Variants in EFCAB6 observed in about 807,000 individuals in gnomAD.
The protein encoded by EFCAB6 is EF-hand calcium-binding domain-containing protein 6.
Under a neutral mutation model 169.8 loss-of-function variants are expected in EFCAB6, and 156 were observed. That is an observed-to-expected ratio of 0.92 (90% CI 0.81 to 1.05). The LOEUF is 1.05. EFCAB6 is among the 50% of genes least tolerant of loss of function. The pLI, the probability that EFCAB6 is intolerant of heterozygous loss-of-function variation, is 0.00. For synonymous variants in EFCAB6, 698 were observed against 676.4 expected (o/e 1.03, Z -0.50); for missense variants, 1,800 against 1,829.1 (o/e 0.98, Z 0.29).
chr22:43,716,835 G>A lies in EFCAB6; in HGVS notation c.882+13C>T, dbSNP rs1319380568. On this transcript the variant is annotated intron_variant, in intron 9 of 31. Transcript: ENST00000262726. ...TACTCTGTAGGTAATTGTGGCTTAG[G>A]AAAACATCTTACTTGTAGACAAAAG... 6.3e-7 allele frequency: 1 copy of A among 1,595,606 alleles called. No individual in the cohort carries two copies. The highest frequency in any genetic ancestry group is 1.8e-5 in the Admixed American group (1 of 56,736).
Position 43,784,562 on chromosome 22 carries a change from TATATATGTGTACATATACAC to T in EFCAB6, c.-7-2257_-7-2238del, listed in dbSNP as rs1203881282. ...GTGTGTGTATATGTATATATACACA[TATATATGTGTACATATACAC>T]ATATATATGTATATATACACATATA... On this transcript the variant is annotated intron_variant, in intron 2 of 31. Transcript: ENST00000262726. 1.1e-3 allele frequency among the ~76,000 whole-genome samples: 81 copies of T among 77,094 alleles called. 2 individuals carry two copies. Among genetic ancestry groups the T allele is most frequent in the African/African-American group, 3.6e-3 (62 of 17,004 alleles). 50.6% of individuals were successfully genotyped at this position (77,094 alleles called of 152,430 possible).
At chr22:43,667,968 G>A (rs1008565125) in intron 16 of EFCAB6, among the ~76,000 whole-genome samples, 3 of 152,094 alleles carry the variant, frequency 2.0e-5, no homozygotes, top group African/African-American at 4.8e-5. Flanking sequence ...TCCCCGCTGC[G>A]TCTCCTGATT....
At chr22:43,679,287 G>A (rs759379363) in intron 12 of EFCAB6, among the ~76,000 whole-genome samples, 5 of 152,110 alleles carry the variant, frequency 3.3e-5, no homozygotes, top group African/African-American at 4.8e-5. Context: ...TCCTAACATA[G>A]TGTTTTTGAG....
At chr22:43,762,765 A>G (rs900283301) in intron 5 of EFCAB6, among the ~76,000 whole-genome samples, 2 of 152,238 alleles carry the variant, frequency 1.3e-5, no homozygotes, top group Admixed American at 6.5e-5. Flanking sequence ...CAATAAGGAA[A>G]AAAAGGCTCT....
rs766326689 is a variant in EFCAB6, at chr22:43,537,453, G to A, written c.3972C>T (p.Cys1324=). The A allele has an allele frequency of 4.6e-5, 75 of 1,614,156 alleles. No homozygotes were observed. The highest frequency in any genetic ancestry group is 6.2e-5 in the Non-Finnish European group (73 of 1,180,040). The part of the protein sequence containing the change: ...ESRLRKRIQG[C]WRQLLKECKE... The stretch of plus-strand genomic sequence containing the variant: ...TGCATTCTTTCAGGAGCTGGCGCCA[G>A]CAGCCCTGGATTCTCTTCCGGAGCC... Residue 1324 remains cysteine, a synonymous_variant, in exon 29 of 32, where the codon TGC becomes TGT. Coordinates refer to ENST00000262726, the MANE Select transcript of EFCAB6 (RefSeq NM_022785.4). This position sits in a 1 kb window ranked among gnomAD's most constrained non-coding sequence, Gnocchi z 4.3.
Position 43,580,605 on chromosome 22 carries a change from T to C in EFCAB6, c.3087A>G (p.Ala1029=). 1.2e-6 allele frequency: 2 copies of C among 1,614,178 alleles called. No homozygotes were observed. Among genetic ancestry groups the C allele is most frequent in the South Asian group, 1.1e-5 (1 of 91,082 alleles). Residue 1029 remains alanine, a synonymous_variant, in exon 25 of 32, where the codon GCA becomes GCG. Transcript: ENST00000262726. ...NAINYLDFLR[A]VENSKSTGAQ... is the part of the protein sequence containing the mutation. ...CTCCTGTTGACTTGCTGTTCTCCACTGCTCTCAGGAAGTCGAGGTAATTGA... is the reference window on the plus strand; with the variant it reads ...CTCCTGTTGACTTGCTGTTCTCCACCGCTCTCAGGAAGTCGAGGTAATTGA...
At chr22:43,704,727 T>A (rs1277470705) in intron 10 of EFCAB6, among the ~76,000 whole-genome samples, 3 of 152,050 alleles carry the variant, frequency 2.0e-5, no homozygotes, top group Non-Finnish European at 2.9e-5. Context: ...GCAAGCCTCA[T>A]GGTAACAACA....
chr22:43,531,273 CG>C, intron 30 of EFCAB6, among the ~76,000 whole-genome samples: 1 of 152,180 alleles, frequency 6.6e-6, no homozygotes, highest in African/African-American at 2.4e-5. Context: ...AGTGGAGACT[CG>C]GGGAGGTAAA....
At chr22:43,542,167 G>A (rs191751402) in intron 27 of EFCAB6, among the ~76,000 whole-genome samples, 10 of 152,352 alleles carry the variant, frequency 6.6e-5, no homozygotes, top group Non-Finnish European at 1.2e-4. Context: ...GAGGGAGGTC[G>A]GTGTGCATGC....
chr22:43,733,458 G>T (rs535683359), intron 7 of EFCAB6, among the ~76,000 whole-genome samples: 2 of 152,296 alleles, frequency 1.3e-5, no homozygotes, highest in East Asian at 3.9e-4. Flanking sequence ...ACACTCAATG[G>T]GTTTTGAGAT....
At chr22:43,626,967 G>A (rs2054572163) in intron 19 of EFCAB6, among the ~76,000 whole-genome samples, 2 of 152,162 alleles carry the variant, frequency 1.3e-5, no homozygotes, top group Non-Finnish European at 2.9e-5. Flanking sequence ...CCACACTCTC[G>A]GTTTGTGGAG....
chr22:43,779,930 A>G (rs532210349), intron 3 of EFCAB6, among the ~76,000 whole-genome samples: 45 of 152,360 alleles, frequency 3.0e-4, no homozygotes, highest in African/African-American at 1.1e-3. Flanking sequence ...GTAGGTAAAC[A>G]GGCAAAGGAT....
At chr22:43,731,946 T>C in intron 7 of EFCAB6, 135 bp from the exon 8 acceptor site, 1 of 503,714 alleles carries the variant, frequency 2.0e-6, no homozygotes, top group South Asian at 4.5e-5. Flanking sequence ...AATTAAAAAG[T>C]AAACCCCAGA....
Position 43,672,277 on chromosome 22 carries a change from G to T in EFCAB6, c.1448C>A (p.Ala483Asp). ...CCAGGCCAGGAGGAAAGGTGTCTTA[G>T]CATCTGTACAGGGAGATGTCTTTCT... ...RMRKTSPCTD[A>D]KTPFLLAWDS... The change falls in exon 14 of 32, where the codon GCT becomes GAT. Residue 483 changes from alanine (A) to aspartate (D), a missense_variant. Transcript: ENST00000262726. The T allele has an allele frequency of 6.2e-7, 1 of 1,614,148 alleles. No individual in the cohort carries two copies. The highest frequency in any genetic ancestry group is 8.5e-7 in the Non-Finnish European group (1 of 1,180,006).
intron 11 of EFCAB6, among the ~76,000 whole-genome samples, chr22:43,684,417 C>T (rs530354464): frequency 6.6e-6 from 1 of 152,200 alleles, no homozygotes; most frequent in African/African-American, 2.4e-5. Context: ...CTCCTGAAGG[C>T]CAGGACTACC....
At chr22:43,811,326 G>GGGAGGGGAGGAGAGA (rs1248465935) in intron 1 of EFCAB6, among the ~76,000 whole-genome samples, 1 of 135,880 alleles carries the variant, frequency 7.4e-6, no homozygotes, top group Non-Finnish European at 1.6e-5. Flanking sequence ...GGAGGGGAAG[G>GGGAGGGGAGGAGAGA]GGAGGGGAGG....
rs78420174 is a variant in EFCAB6, at chr22:43,551,088, G to C, written c.3648+3781C>G. Among the ~76,000 whole-genome samples the C allele has an allele frequency of 1.9e-3, 293 of 152,324 alleles. 2 individuals are homozygous for C. Among genetic ancestry groups the C allele is most frequent in the African/African-American group, 6.9e-3 (288 of 41,564 alleles). On this transcript the variant is annotated intron_variant, in intron 27 of 31. Transcript: ENST00000262726. ...TAGATAAACCAAGTCATGAAATATG[G>C]AGTTAAGTGTAATTTAATATGGTTG...
intron 4 of EFCAB6, among the ~76,000 whole-genome samples, chr22:43,766,518 T>C (rs1266205079): frequency 1.3e-5 from 2 of 152,180 alleles, no homozygotes; most frequent in Non-Finnish European, 2.9e-5. Flanking sequence ...TGTACTTTTC[T>C]TATTCTTGCA....
At chr22:43,613,313 A>T (rs2053457232) in intron 21 of EFCAB6, among the ~76,000 whole-genome samples, 1 of 151,906 alleles carries the variant, frequency 6.6e-6, no homozygotes, top group African/African-American at 2.4e-5. Flanking sequence ...ATGCACGGGT[A>T]TGTTCACTGC....
Sources: allele counts gnomAD v4.1 joint callset (sites outside exome capture counted in the v4.1 genomes callset), GRCh38; gene constraint gnomAD v4.1.1; non-coding constraint Gnocchi (gnomAD v3.1); transcripts MANE v1.5; gene names NCBI Gene and HGNC (gene_info 2026-07-23, HGNC 2026-07-21).